The following ZNF287 variants were observed in gnomAD, a reference collection of about 807,000 sequenced individuals.
The protein encoded by ZNF287 is zinc finger protein 287.
Under a neutral mutation model 73.7 loss-of-function variants are expected in ZNF287, and 31 were observed. The observed-to-expected ratio is 0.42, with a 90% CI of 0.32 to 0.57. The LOEUF is 0.57. Ranked by LOEUF, ZNF287 falls within the 20% of genes least tolerant of loss-of-function variation. ZNF287 has a pLI of 0.13. For missense variants in ZNF287, 641 were observed against 909.3 expected (o/e 0.70, Z 3.79); for synonymous variants, 301 against 307.2 (o/e 0.98, Z 0.21).
At chr17:16,565,435 G>T (rs932111362) in intron 3 of ZNF287, among the ~76,000 whole-genome samples, 1 of 150,758 alleles carries the variant, frequency 6.6e-6, no homozygotes, top group Non-Finnish European at 1.5e-5. Context: ...TATATATGTA[G>T]ATATATATAT....
chr17:16,552,751 C>T lies in ZNF287; in HGVS notation c.1391G>A (p.Arg464His), dbSNP rs779824631. Residue 464 changes from arginine (R) to histidine (H), a missense_variant, in exon 6 of 6, where the codon CGT becomes CAT. Transcript: ENST00000395825. The surrounding 1 kb of genome is among the most constrained non-coding windows in gnomAD (Gnocchi z 6.5). ...CCTTTGATGGATGGTAAGGTGTGCA[C>T]GCTGACTGAAGTCTTTCCCACAGTC... The part of the protein sequence containing the change: ...CDDCGKDFSQ[R>H]AHLTIHQRTH... The T allele has an allele frequency of 6.8e-6, 11 of 1,614,040 alleles. No homozygotes were observed. The highest frequency in any genetic ancestry group is 7.6e-6 in the Non-Finnish European group (9 of 1,179,988).
At chr17:16,560,099 C>G (rs985092551) in intron 5 of ZNF287, among the ~76,000 whole-genome samples, 1 of 150,882 alleles carries the variant, frequency 6.6e-6, no homozygotes, top group Non-Finnish European at 1.5e-5. Context: ...ACTACAGGCA[C>G]GTGCCACCAC....
chr17:16,563,835 C>A lies in ZNF287; in HGVS notation c.502-10G>T. 1 of 1,611,772 alleles carries A rather than the reference C, an allele frequency of 6.2e-7. No individual in the cohort carries two copies. The highest frequency in any genetic ancestry group is 1.1e-5 in the South Asian group (1 of 90,760). On this transcript the variant is annotated splice_polypyrimidine_tract_variant and intron_variant, in intron 3 of 5. Transcript: ENST00000395825. ...TGAATGTCATCGATTCCTAAAATAT[C>A]AAATGTAACTTAACTCAGTTCAAGA...
In ZNF287 at chr17:16,553,544, A is replaced by T. The variant is rs1906841422; in HGVS notation, c.716-118T>A. ...CAAAGACAACAGCTCTGAAAACCTC[A>T]TCATCATGGTCTTTAAAACTTGGGA... On this transcript the variant is annotated intron_variant, in intron 5 of 5. Transcript: ENST00000395825. The T allele has an allele frequency of 3.8e-6, 3 of 780,452 alleles. No individual in the cohort carries two copies. The East Asian group carries it at 9.1e-5, about 24-fold the overall frequency. The allele number at this position is 780,452 out of a possible 1,614,324, so 48.3% of individuals were successfully genotyped here. A position where few individuals can be genotyped will look rare whatever the true frequency, so the allele number is the denominator to read the frequency against.
chr17:16,566,485 A>G (rs1482487706), intron 3 of ZNF287, 40 bp downstream of exon 3: 2 of 1,558,260 alleles, frequency 1.3e-6, no homozygotes, highest in African/African-American at 2.7e-5. Context: ...CTCACACACT[A>G]AGAAGGCATT....
In ZNF287 at chr17:16,552,733, T is replaced by A; in HGVS notation, c.1409A>T (p.His470Leu). 6.2e-7 allele frequency: 1 copy of A among 1,614,166 alleles called. No homozygotes were observed. The highest frequency in any genetic ancestry group is 8.5e-7 in the Non-Finnish European group (1 of 1,180,014). ...DFSQRAHLTI[H>L]QRTHTGEKPY... is the part of the protein sequence containing the mutation. ...TTTCTCTCCAGTATGTGTCCTTTGA[T>A]GGATGGTAAGGTGTGCACGCTGACT... The change falls in exon 6 of 6, where the codon CAT becomes CTT. Residue 470 changes from histidine (H) to leucine (L), a missense_variant. Around this residue, in one of 2 missense-constraint regions of ZNF287, gnomAD observed 284 missense variants for 466.8 expected, o/e 0.61. Transcript: ENST00000395825. The surrounding 1 kb of genome is among the most constrained non-coding windows in gnomAD (Gnocchi z 6.5).
rs1208022960 is a variant in ZNF287, at chr17:16,551,594, TTA to T, written c.*260_*261del. The T allele has an allele frequency of 5.0e-6, 2 of 400,164 alleles. No individual in the cohort carries two copies. The highest frequency in any genetic ancestry group is 8.9e-6 in the Non-Finnish European group (2 of 225,102). 24.8% of individuals were successfully genotyped at this position (400,164 alleles called of 1,614,324 possible). ...GTACTTGAAATAGAGAGTTGATGAGTTATGTTTTTGAATACCCTTCACAGGGT... is the reference window on the plus strand; with the variant it reads ...GTACTTGAAATAGAGAGTTGATGAGTTGTTTTTGAATACCCTTCACAGGGT... On this transcript the variant is annotated 3_prime_UTR_variant, in exon 6 of 6. Coordinates refer to ENST00000395825, the MANE Select transcript of ZNF287 (RefSeq NM_020653.4).
chr17:16,564,842 C>T (rs1907654749), intron 3 of ZNF287, among the ~76,000 whole-genome samples: 1 of 151,616 alleles, frequency 6.6e-6, no homozygotes, highest in Non-Finnish European at 1.5e-5. Context: ...CAGTGGCCTC[C>T]TGAGTAGCTG....
At position 16,567,326 on chromosome 17, in the gene ZNF287, C is replaced by T. The variant is rs2142509831; in HGVS notation, c.403+3G>A. ...CCTCCCCTCTCTGCTCTATGATTCT[C>T]ACCTTCCTCTTCTAGAATCTGAGTC... On this transcript the variant is annotated splice_donor_region_variant and intron_variant, in intron 2 of 5. Transcript: ENST00000395825. The T allele has an allele frequency of 6.2e-7, 1 of 1,609,500 alleles. No homozygotes were observed. Among genetic ancestry groups the T allele is most frequent in the Non-Finnish European group, 8.5e-7 (1 of 1,177,070 alleles).
intron 4 of ZNF287, 47 bp from the exon 5 acceptor site, chr17:16,563,279 G>T: frequency 2.1e-6 from 3 of 1,443,754 alleles, no homozygotes; most frequent in South Asian, 1.2e-5. Context: ...ATAAATGGTT[G>T]CTCAAAGTTT....
chr17:16,564,004 T>C (rs74896811), intron 3 of ZNF287, among the ~76,000 whole-genome samples, 179 bp from the exon 4 acceptor site: 1,680 of 152,312 alleles, frequency 0.011, 15 homozygotes, highest in Non-Finnish European at 0.018. Context: ...CATCTCTCCA[T>C]GACCCTAAAC....
intron 5 of ZNF287, among the ~76,000 whole-genome samples, chr17:16,555,145 A>G (rs928974070): frequency 1.3e-5 from 2 of 152,174 alleles, no homozygotes; most frequent in Admixed American, 1.3e-4. Flanking sequence ...TGTGAGCATC[A>G]TAGAGTATAC....
rs1364291715 is a variant in ZNF287, at chr17:16,563,680, G to C, written c.628+19C>G. On this transcript the variant is annotated intron_variant, in intron 4 of 5. Transcript: ENST00000395825. ...AATGGGAACAGGCTCGGAGGAGGAGGGATGCAGATGATCCTTACCCAGAGA... is the reference window on the plus strand; with the variant it reads ...AATGGGAACAGGCTCGGAGGAGGAGCGATGCAGATGATCCTTACCCAGAGA... 6.2e-7 allele frequency: 1 copy of C among 1,608,968 alleles called. No homozygotes were observed. The highest frequency in any genetic ancestry group is 8.5e-7 in the Non-Finnish European group (1 of 1,177,246).
In ZNF287 at chr17:16,551,420, C is replaced by A; in HGVS notation, c.*436G>T. ...TTCAACTGAACAGAGTTTGAAAGCA[C>A]ATTATTCAGGGATGGGAAACCTGCA... is the stretch of plus-strand genomic sequence containing the variant. On this transcript the variant is annotated 3_prime_UTR_variant, in exon 6 of 6. Coordinates refer to ENST00000395825, the MANE Select transcript of ZNF287 (RefSeq NM_020653.4). 1 of 163,008 alleles carries A rather than the reference C, an allele frequency of 6.1e-6. No homozygotes were observed. Among genetic ancestry groups the A allele is most frequent in the Non-Finnish European group, 1.3e-5 (1 of 74,836 alleles). The allele number at this position is 163,008 out of a possible 1,614,324, so 10.1% of individuals were successfully genotyped here.
intron 5 of ZNF287, among the ~76,000 whole-genome samples, chr17:16,560,957 C>T (rs1006961439): frequency 1.3e-5 from 2 of 150,346 alleles, no homozygotes; most frequent in African/African-American, 4.9e-5. Context: ...GAGCCAAGGT[C>T]CCCCCACTGC....
chr17:16,560,406 G>A (rs1446222978), intron 5 of ZNF287, among the ~76,000 whole-genome samples: 20 of 150,570 alleles, frequency 1.3e-4, no homozygotes, highest in Admixed American at 8.6e-4. Flanking sequence ...CTGGAGTGCA[G>A]TGGCACAATC....
In ZNF287 at chr17:16,553,108, C is replaced by A; in HGVS notation, c.1034G>T (p.Gly345Val). 1 of 1,614,036 alleles carries A rather than the reference C, an allele frequency of 6.2e-7. No homozygotes were observed. Among genetic ancestry groups the A allele is most frequent in the Non-Finnish European group, 8.5e-7 (1 of 1,179,946 alleles). ...TGAGACATGATTGAAGGTTGCCCTG[C>A]CTTCATTATACACAGAAGTTTTATT... Reference protein sequence around the residue: ...LDNKTSVYNEGRATFNHVSYG... With the variant: ...LDNKTSVYNEVRATFNHVSYG... The change falls in exon 6 of 6, where the codon GGC becomes GTC. Residue 345 changes from glycine to valine, a missense_variant. This residue lies in a region of ZNF287 where 357 missense variants were observed against 442.4 expected (regional missense o/e 0.81). Transcript: ENST00000395825.
intron 5 of ZNF287, among the ~76,000 whole-genome samples, chr17:16,559,884 C>A (rs1394914243): frequency 6.6e-6 from 1 of 152,102 alleles, no homozygotes; most frequent in African/African-American, 2.4e-5. Flanking sequence ...GCATCAAAAA[C>A]ACAAAATAAA....
At position 16,553,381 on chromosome 17, in the gene ZNF287, G is replaced by A; in HGVS notation, c.761C>T (p.Ser254Phe). 2.5e-6 allele frequency: 4 copies of A among 1,603,766 alleles called. No homozygotes were observed. The highest frequency in any genetic ancestry group is 3.4e-6 in the Non-Finnish European group (4 of 1,176,192). ...AQACTPVEDM[S>F]KLTKEETHTI... ...ATGGGTTTCTTCCTTTGTGAGTTTAGACATATCCTCCACTGGAGTACATGC... is the reference window on the plus strand; with the variant it reads ...ATGGGTTTCTTCCTTTGTGAGTTTAAACATATCCTCCACTGGAGTACATGC... The change falls in exon 6 of 6, where the codon TCT (serine) becomes TTT (phenylalanine). Residue 254 changes from serine to phenylalanine, a missense_variant. By Grantham distance (155) the Ser-to-Phe change is radical. This residue lies in a region of ZNF287 where 357 missense variants were observed against 442.4 expected (regional missense o/e 0.81). Transcript: ENST00000395825.
Sources: allele counts gnomAD v4.1 joint callset (sites outside exome capture counted in the v4.1 genomes callset), GRCh38; gene constraint gnomAD v4.1.1; regional missense constraint gnomAD v4.1.1; non-coding constraint Gnocchi (gnomAD v3.1); transcripts MANE v1.5; gene names NCBI Gene and HGNC (gene_info 2026-07-23, HGNC 2026-07-21).